Variants in ACAN observed in about 807,000 individuals in gnomAD.
ACAN encodes the protein aggrecan core protein.
Under a neutral mutation model 169.1 loss-of-function variants are expected in ACAN, and 47 were observed. That is an observed-to-expected ratio of 0.28 (90% CI 0.22 to 0.35). The LOEUF (loss-of-function observed/expected upper bound fraction) is 0.35, where lower values mean the gene tolerates loss of function less well. ACAN is among the 10% of genes least tolerant of loss of function. The pLI is 1.00. For missense variants in ACAN, 2,716 were observed against 2,759.9 expected, an observed-to-expected ratio of 0.98 and a Z score of 0.36; for synonymous variants, 1,115 against 1,112.2, an observed-to-expected ratio of 1.00 and a Z score of -0.05.
chr15:88,804,969 A>T (rs905119258), intron 1 of ACAN, among the ~76,000 whole-genome samples: 1 of 152,062 alleles, frequency 6.6e-6, no homozygotes, highest in South Asian at 2.1e-4. Flanking sequence ...GACCTTGAAA[A>T]TTCACCCACC....
chr15:88,847,816 C>G, intron 8 of ACAN, 95 bp from the exon 9 acceptor site: 3 of 1,446,298 alleles, frequency 2.1e-6, no homozygotes, highest in Non-Finnish European at 2.8e-6. Context: ...AAGACATCTC[C>G]AAGTCCCTGA....
chr15:88,874,554 G>T lies in ACAN; in HGVS notation c.*73G>T, dbSNP rs781678075. On this transcript the variant is annotated 3_prime_UTR_variant, in exon 19 of 19. Coordinates refer to ENST00000560601, the MANE Select transcript of ACAN (RefSeq NM_001369268.1). The surrounding 1 kb of genome is among the most constrained non-coding windows in gnomAD (Gnocchi z 7.3). ...AGGCTGACGTGCATCCCACCCAGAC[G>T]GTGTCCTCTTCTTGTCGCTTTTTGT... 7.5e-7 allele frequency: 1 copy of T among 1,338,880 alleles called. No homozygotes were observed. The highest frequency in any genetic ancestry group is 1.3e-5 in the South Asian group (1 of 79,758). The allele number at this position is 1,338,880 out of a possible 1,614,324, so 82.9% of individuals were successfully genotyped here.
chr15:88,830,949 G>T lies in ACAN; in HGVS notation c.-7-5251G>T, dbSNP rs147485716. On this transcript the variant is annotated intron_variant, in intron 1 of 18. Coordinates refer to ENST00000560601, the MANE Select transcript of ACAN (RefSeq NM_001369268.1). Reference sequence around the variant, plus strand: ...ATTAGAATCTTACAGGACCATCATCGTAGGTACAGTTTGTTGTTGACTGAA... The same window carrying T: ...ATTAGAATCTTACAGGACCATCATCTTAGGTACAGTTTGTTGTTGACTGAA... Among the ~76,000 whole-genome samples, 531 of 152,294 alleles carry T rather than the reference G, an allele frequency of 3.5e-3. 5 individuals carry two copies. The highest frequency in any genetic ancestry group is 0.012 in the African/African-American group (513 of 41,552).
In ACAN at chr15:88,843,734, T is replaced by G. The variant is rs1185801058; in HGVS notation, c.1051+86T>G. The G allele has an allele frequency of 3.4e-6, 5 of 1,490,130 alleles. No individual in the cohort carries two copies. The highest frequency in any genetic ancestry group is 4.5e-6 in the Non-Finnish European group (5 of 1,119,774). 92.3% of individuals were successfully genotyped at this position (1,490,130 alleles called of 1,614,324 possible). A position where few individuals can be genotyped will look rare whatever the true frequency, so the allele number is the denominator to read the frequency against. ...AGAGGGGATCTTGGAAAGGGAGGGT[T>G]GGTTTTTGCCCTTGAAGGGGCCACG... is the stretch of plus-strand genomic sequence containing the variant. On this transcript the variant is annotated intron_variant, in intron 6 of 18. Transcript: ENST00000560601. This position sits in a 1 kb window ranked among gnomAD's most constrained non-coding sequence, Gnocchi z 4.0.
At chr15:88,819,408 G>A (rs1186984890) in intron 1 of ACAN, among the ~76,000 whole-genome samples, 1 of 152,068 alleles carries the variant, frequency 6.6e-6, no homozygotes, top group Non-Finnish European at 1.5e-5. Context: ...GCTCCATGTG[G>A]AGAACCCGTC....
chr15:88,823,804 A>C (rs1041074609), intron 1 of ACAN, among the ~76,000 whole-genome samples: 1 of 152,048 alleles, frequency 6.6e-6, no homozygotes, highest in African/African-American at 2.4e-5. Flanking sequence ...GGGGTCACCT[A>C]CTACTCCCTG....
Position 88,874,502 on chromosome 15 carries a change from C to T in ACAN, c.*21C>T. 6.3e-7 allele frequency: 1 copy of T among 1,581,724 alleles called. No homozygotes were observed. The highest frequency in any genetic ancestry group is 8.6e-7 in the Non-Finnish European group (1 of 1,163,218). On this transcript the variant is annotated 3_prime_UTR_variant, in exon 19 of 19. Coordinates refer to ENST00000560601, the MANE Select transcript of ACAN (RefSeq NM_001369268.1). The surrounding 1 kb of genome is among the most constrained non-coding windows in gnomAD (Gnocchi z 7.3). Reference sequence around the variant, plus strand: ...ACTGAGAAGAGCTTCCAGGACGCACCCAGGACGCTGAGCCCAGGAGCCTGC... The same window carrying T: ...ACTGAGAAGAGCTTCCAGGACGCACTCAGGACGCTGAGCCCAGGAGCCTGC...
intron 1 of ACAN, among the ~76,000 whole-genome samples, chr15:88,822,803 C>G (rs1046569392): frequency 6.6e-6 from 1 of 152,130 alleles, no homozygotes; most frequent in Non-Finnish European, 1.5e-5. Context: ...AATTAGGGTC[C>G]AAATAATGAG....
At chr15:88,809,039 T>C (rs1399302279) in intron 1 of ACAN, among the ~76,000 whole-genome samples, 1 of 152,188 alleles carries the variant, frequency 6.6e-6, no homozygotes, top group South Asian at 2.1e-4. Context: ...TTCCGTGAGA[T>C]GGACTCATGG....
rs372888180 is a variant in ACAN at position 88,871,443 on chromosome 15, G to T, written c.7122G>T (p.Pro2374=). 1 of 1,613,818 alleles carries T rather than the reference G, an allele frequency of 6.2e-7. No individual in the cohort carries two copies. The highest frequency in any genetic ancestry group is 1.3e-5 in the African/African-American group (1 of 74,934). Residue 2374 remains proline (P), a synonymous_variant, in exon 15 of 19, where the codon CCG becomes CCT. Coordinates refer to ENST00000560601, the MANE Select transcript of ACAN (RefSeq NM_001369268.1). The surrounding 1 kb of genome is among the most constrained non-coding windows in gnomAD (Gnocchi z 7.8). ...KYQGHCYRHF[P]DRETWVDAER... is the part of the protein sequence containing the mutation. ...AGGGCCACTGTTACCGCCACTTCCC[G>T]GACCGCGAGACCTGGGTGGATGCTG...
intron 13 of ACAN, among the ~76,000 whole-genome samples, chr15:88,867,050 CA>C (rs1897291580): frequency 6.6e-6 from 1 of 152,186 alleles, no homozygotes; most frequent in Admixed American, 6.5e-5. Context: ...TTCATAATAG[CA>C]TTTATCATGT....
chr15:88,810,852 G>T (rs1312884357), intron 1 of ACAN, among the ~76,000 whole-genome samples: 1 of 152,154 alleles, frequency 6.6e-6, no homozygotes, highest in Non-Finnish European at 1.5e-5. Context: ...ATTCCATTGT[G>T]GTCTAGTTTG....
chr15:88,844,587 G>A (rs896687991), intron 6 of ACAN, among the ~76,000 whole-genome samples: 1 of 152,038 alleles, frequency 6.6e-6, no homozygotes, highest in Non-Finnish European at 1.5e-5. Flanking sequence ...TGACCAGGCT[G>A]GTCTTGAACT....
chr15:88,805,466 T>C (rs1435708905), intron 1 of ACAN, among the ~76,000 whole-genome samples: 1 of 152,230 alleles, frequency 6.6e-6, no homozygotes, highest in African/African-American at 2.4e-5. Flanking sequence ...CTTGGAGAGA[T>C]GCTGGAATTC....
chr15:88,809,473 C>T (rs1229365422), intron 1 of ACAN, among the ~76,000 whole-genome samples: 2 of 152,174 alleles, frequency 1.3e-5, no homozygotes, highest in African/African-American at 4.8e-5. Context: ...GCCTTGAAGC[C>T]GATGCAGGCA....
At chr15:88,825,244 C>A (rs954734149) in intron 1 of ACAN, among the ~76,000 whole-genome samples, 1 of 152,166 alleles carries the variant, frequency 6.6e-6, no homozygotes, top group Non-Finnish European at 1.5e-5. Flanking sequence ...ATAGGCCAAG[C>A]TCCCTTTTGC....
chr15:88,842,493 C>G (rs58239729), intron 5 of ACAN, among the ~76,000 whole-genome samples: 2 of 140,180 alleles, frequency 1.4e-5, no homozygotes, highest in African/African-American at 5.4e-5. Context: ...CAATGTCTAT[C>G]TCCTCCCTCC....
chr15:88,841,667 G>A (rs1896664051), intron 4 of ACAN, 73 bp from the exon 5 acceptor site: 1 of 1,580,472 alleles, frequency 6.3e-7, no homozygotes, highest in South Asian at 1.1e-5. Context: ...CACGGGAGGA[G>A]GATTCAAAGG....
chr15:88,858,983 C>A lies in ACAN; in HGVS notation c.6398C>A (p.Thr2133Asn). 6.2e-6 allele frequency: 10 copies of A among 1,613,956 alleles called. No homozygotes were observed. Among genetic ancestry groups the A allele is most frequent in the Non-Finnish European group, 8.5e-6 (10 of 1,179,878 alleles). Reference sequence around the variant, plus strand: ...GGGTCCCCTGATCTGAGTGAAACCACCTCTGCATTCCACGAAGCTAACCTT... The same window carrying A: ...GGGTCCCCTGATCTGAGTGAAACCAACTCTGCATTCCACGAAGCTAACCTT... ...DSGSPDLSET[T>N]SAFHEANLER... Residue 2133 changes from threonine (T) to asparagine (N), a missense_variant, in exon 12 of 19, where the codon ACC (threonine) becomes AAC (asparagine). This residue lies in a region of ACAN where 1,389 missense variants were observed against 1,363.7 expected (regional missense o/e 1.02). Transcript: ENST00000560601. This position sits in a 1 kb window ranked among gnomAD's most constrained non-coding sequence, Gnocchi z 4.0.
Sources: gnomAD v4.1 joint callset for allele counts (sites outside exome capture counted in the v4.1 genomes callset) on GRCh38, gnomAD v4.1.1 for gene constraint, gnomAD v4.1.1 regional missense constraint, Gnocchi (gnomAD v3.1) non-coding constraint, MANE v1.5 for transcripts, NCBI Gene and HGNC (gene_info 2026-07-23, HGNC 2026-07-21) for gene names.